The following PUM1 variants were observed in gnomAD, a reference collection of about 807,000 sequenced individuals.
PUM1 encodes pumilio homolog 1.
In PUM1, 13 loss-of-function variants were observed where a neutral mutation model predicts 131.8. The observed-to-expected ratio is 0.10, with a 90% confidence interval of 0.06 to 0.16. The LOEUF is 0.16. Ranked by LOEUF, PUM1 falls within the 10% of genes least tolerant of loss-of-function variation. The pLI is 1.00. For missense variants in PUM1, 961 were observed against 1,512.4 expected (o/e 0.64, Z 6.05); for synonymous variants, 509 against 556.5 (o/e 0.91, Z 1.20).
intron 2 of PUM1, among the ~76,000 whole-genome samples, chr1:31,048,684 C>CAGGA (rs1644031324): frequency 6.6e-6 from 1 of 151,680 alleles, no homozygotes; most frequent in East Asian, 2.0e-4. Flanking sequence ...CTGTGTTAGC[C>CAGGA]AGGACAGTCT....
intron 17 of PUM1, among the ~76,000 whole-genome samples, chr1:30,949,908 G>C (rs1454063094): frequency 1.3e-5 from 2 of 152,174 alleles, no homozygotes; most frequent in Admixed American, 1.3e-4. Flanking sequence ...TCTAGCCAAT[G>C]GAAGAGTATT....
At chr1:30,969,424 G>C (rs1295838149) in intron 10 of PUM1, among the ~76,000 whole-genome samples, 1 of 151,536 alleles carries the variant, frequency 6.6e-6, no homozygotes, top group Non-Finnish European at 1.5e-5. Context: ...AGTCAACTGA[G>C]TCTCACATGC....
chr1:31,042,789 G>C (rs770771953), intron 2 of PUM1, among the ~76,000 whole-genome samples: 1 of 152,208 alleles, frequency 6.6e-6, no homozygotes, highest in African/African-American at 2.4e-5. Context: ...TTAAAAGACA[G>C]GGTCTCGCTC....
At chr1:31,037,500 C>A (rs1435506096) in intron 2 of PUM1, among the ~76,000 whole-genome samples, 1 of 151,892 alleles carries the variant, frequency 6.6e-6, no homozygotes, top group Non-Finnish European at 1.5e-5. Context: ...GGGCGGATCA[C>A]TTGAGGTCAG....
At chr1:30,936,518 C>T (rs1639216815) in intron 21 of PUM1, 125 bp downstream of exon 21, 1 of 947,834 alleles carries the variant, frequency 1.1e-6, no homozygotes, top group African/African-American at 1.7e-5. Flanking sequence ...AAACAGAACA[C>T]AGCATGGGAC....
chr1:31,059,127 T>C, intron 2 of PUM1, 77 bp downstream of exon 2: 1 of 1,474,472 alleles, frequency 6.8e-7, no homozygotes, highest in Non-Finnish European at 9.1e-7. Context: ...TTTAAAGACA[T>C]TCATTGAAAG....
chr1:31,033,213 CTTTT>C (rs573799816), intron 2 of PUM1, among the ~76,000 whole-genome samples: 1 of 144,806 alleles, frequency 6.9e-6, no homozygotes. Flanking sequence ...CTGATTTTTC[CTTTT>C]TTTTTTTGAG....
In PUM1 at chr1:30,942,194, TATA is replaced by T. The variant is rs1639470371; in HGVS notation, c.2995-74_2995-72del. On this transcript the variant is annotated intron_variant, in intron 18 of 21. Transcript: ENST00000426105. ...ACCTTCAATGCTTCAGTATTGTTTA[TATA>T]TATATATATATATATATATATATAT... 5.6e-3 allele frequency: 924 copies of T among 163,656 alleles called. 65 individuals are homozygous for T. Among genetic ancestry groups the T allele is most frequent in the African/African-American group, 0.018 (251 of 13,896 alleles). The allele number at this position is 163,656 out of a possible 1,614,324, so 10.1% of individuals were successfully genotyped here. A position where few individuals can be genotyped will look rare whatever the true frequency, so the allele number is the denominator to read the frequency against.
Position 30,981,295 on chromosome 1 carries a change from T to C in PUM1, c.1252+17A>G. On this transcript the variant is annotated intron_variant, in intron 8 of 21. Coordinates refer to ENST00000426105, the MANE Select transcript of PUM1 (RefSeq NM_001020658.2). Reference sequence around the variant, plus strand: ...GGCCACACCTATCATGAAAGAGCTATGGGCTTAAGGACTTACCGATGTGCG... The same window carrying C: ...GGCCACACCTATCATGAAAGAGCTACGGGCTTAAGGACTTACCGATGTGCG... The C allele has an allele frequency of 7.2e-6, 11 of 1,519,440 alleles. No individual in the cohort carries two copies. Among genetic ancestry groups the C allele is most frequent in the Non-Finnish European group, 9.9e-6 (11 of 1,112,476 alleles). 94.1% of individuals were successfully genotyped at this position (1,519,440 alleles called of 1,614,324 possible).
At chr1:30,972,269 A>C (rs1359314578) in intron 10 of PUM1, among the ~76,000 whole-genome samples, 10 of 776 alleles carry the variant, frequency 0.013, no homozygotes, top group African/African-American at 0.036. Context: ...AAAAGAAAAG[A>C]AGGGAAGGGA....
chr1:30,942,557 T>C (rs1355877446), intron 18 of PUM1, among the ~76,000 whole-genome samples: 1 of 152,064 alleles, frequency 6.6e-6, no homozygotes, highest in Non-Finnish European at 1.5e-5. Context: ...AATGCAATGT[T>C]CTGATTTAAC....
intron 2 of PUM1, among the ~76,000 whole-genome samples, chr1:31,057,405 C>CA (rs1223950994): frequency 0.36 from 24,749 of 68,280 alleles, 3,517 homozygotes; most frequent in Middle Eastern, 0.4. Context: ...GACCTTGTCT[C>CA]AAAAAAAAAA....
At chr1:30,956,165 C>T (rs1414948526) in intron 14 of PUM1, among the ~76,000 whole-genome samples, 1 of 152,112 alleles carries the variant, frequency 6.6e-6, no homozygotes. Flanking sequence ...TTGTCAAATT[C>T]CACAGTATTT....
intron 15 of PUM1, among the ~76,000 whole-genome samples, 163 bp downstream of exon 15, chr1:30,953,551 T>C (rs558240652): frequency 6.6e-6 from 1 of 152,366 alleles, no homozygotes; most frequent in South Asian, 2.1e-4. Context: ...TTTGTGTTCA[T>C]GTTTGTTTCT....
In PUM1 at chr1:30,953,746, T is replaced by C. The variant is rs1640041056; in HGVS notation, c.2559A>G (p.Ile853Met). Residue 853 changes from isoleucine to methionine, a missense_variant, in exon 15 of 22, where the codon ATA becomes ATG. Around this residue, in one of 4 missense-constraint regions of PUM1, gnomAD observed 117 missense variants for 200.7 expected, o/e 0.58. Transcript: ENST00000426105. ...NLQLREIAGH[I>M]MEFSQDQHGS... Reference sequence around the variant, plus strand: ...CATGCTGGTCTTGGGAAAATTCCATTATATGTCCAGCAATCTCCCGCAGTT... The same window carrying C: ...CATGCTGGTCTTGGGAAAATTCCATCATATGTCCAGCAATCTCCCGCAGTT... 6 of 1,614,220 alleles carry C rather than the reference T, an allele frequency of 3.7e-6. No individual in the cohort carries two copies. Among genetic ancestry groups the C allele is most frequent in the Non-Finnish European group, 5.1e-6 (6 of 1,180,036 alleles).
intron 2 of PUM1, among the ~76,000 whole-genome samples, chr1:31,040,348 G>A (rs1643776518): frequency 6.6e-6 from 1 of 152,156 alleles, no homozygotes; most frequent in Non-Finnish European, 1.5e-5. Flanking sequence ...ATCAAAGGCA[G>A]GCACCCAACC....
intron 7 of PUM1, among the ~76,000 whole-genome samples, chr1:30,991,166 G>A (rs1302379785): frequency 6.6e-6 from 1 of 152,010 alleles, no homozygotes; most frequent in African/African-American, 2.4e-5. Context: ...CATTACACTG[G>A]GAATGGAAGC....
chr1:30,979,704 G>T (rs965805150), intron 9 of PUM1, among the ~76,000 whole-genome samples: 1 of 152,086 alleles, frequency 6.6e-6, no homozygotes, highest in African/African-American at 2.4e-5. Context: ...AGAGAGGCAA[G>T]GAAATTATAA....
intron 10 of PUM1, among the ~76,000 whole-genome samples, chr1:30,970,021 T>C (rs1640809264): frequency 6.6e-6 from 1 of 152,156 alleles, no homozygotes. Flanking sequence ...ATCATTATTA[T>C]TCTGAATGAT....
Sources: gnomAD v4.1 joint callset for allele counts (sites outside exome capture counted in the v4.1 genomes callset) on GRCh38, gnomAD v4.1.1 for gene constraint, gnomAD v4.1.1 regional missense constraint, MANE v1.5 for transcripts, NCBI Gene and HGNC (gene_info 2026-07-23, HGNC 2026-07-21) for gene names.